The following ARHGAP42 variants were observed in gnomAD, a reference collection of about 807,000 sequenced individuals.
The protein encoded by ARHGAP42 is Rho GTPase activating protein 42.
A neutral mutation model predicts 125.0 loss-of-function variants in ARHGAP42; 63 were observed. That is an observed-to-expected ratio of 0.50 (90% CI 0.41 to 0.62). ARHGAP42 has a LOEUF of 0.62. Ranked by LOEUF, ARHGAP42 falls within the 20% of genes least tolerant of loss-of-function variation. The pLI is 0.00. For missense variants in ARHGAP42, 766 were observed against 1,024.2 expected (o/e 0.75, Z 3.44); for synonymous variants, 339 against 351.0 (o/e 0.97, Z 0.38).
rs1307439893 is a variant in ARHGAP42 at position 100,987,587 on chromosome 11, C to G, written c.2531C>G (p.Ser844Cys). The G allele has an allele frequency of 1.9e-6, 3 of 1,551,170 alleles. No individual in the cohort carries two copies. The highest frequency in any genetic ancestry group is 2.4e-5 in the East Asian group (1 of 40,902). The stretch of plus-strand genomic sequence containing the variant: ...TCCTTCCCACAAGGAGCAATATTTT[C>G]TAATGGTAAGTATGTCAATTCCCTC... ...ELSFPQGAIF[S>C]NVYPSVEPGW... The change falls in exon 23 of 24, where the codon TCT becomes TGT. Residue 844 changes from serine (S) to cysteine (C), a missense_variant. Around this residue, in one of 3 missense-constraint regions of ARHGAP42, gnomAD observed 308 missense variants for 369.7 expected, o/e 0.83. Transcript: ENST00000298815.
intron 7 of ARHGAP42, among the ~76,000 whole-genome samples, chr11:100,933,928 C>A (rs1867655094): frequency 6.6e-6 from 1 of 152,112 alleles, no homozygotes; most frequent in African/African-American, 2.4e-5. Context: ...GCTGGGATTA[C>A]AGGCATGCAC....
chr11:100,918,115 A>G (rs1463206016), intron 5 of ARHGAP42, among the ~76,000 whole-genome samples: 1 of 141,812 alleles, frequency 7.1e-6, no homozygotes, highest in Non-Finnish European at 1.5e-5. Flanking sequence ...TGCACTGCCT[A>G]TATGATGAAA....
rs373059302 is a variant in ARHGAP42 at position 100,837,666 on chromosome 11, C to CTTTTT, written c.313-21861_313-21857dup. On this transcript the variant is annotated intron_variant, in intron 3 of 23. Coordinates refer to ENST00000298815, the MANE Select transcript of ARHGAP42 (RefSeq NM_152432.4). ...CAGTTCCCAGAATCTAGGTGTCATC[C>CTTTTT]TTTTTTTTTTTTTTTTTTTTTTTTT... 1.6e-3 allele frequency among the ~76,000 whole-genome samples: 95 copies of CTTTTT among 61,016 alleles called. 7 individuals are homozygous for CTTTTT. The highest frequency in any genetic ancestry group is 4.4e-3 in the African/African-American group (62 of 14,174). 40.0% of individuals were successfully genotyped at this position (61,016 alleles called of 152,430 possible). A position where few individuals can be genotyped will look rare whatever the true frequency, so the allele number is the denominator to read the frequency against.
At chr11:100,770,247 A>G in intron 1 of ARHGAP42, 96 bp from the exon 2 acceptor site, 1 of 836,700 alleles carries the variant, frequency 1.2e-6, no homozygotes, top group Non-Finnish European at 1.9e-6. Flanking sequence ...GGTTCATATA[A>G]TACAAAATCA....
At chr11:100,937,063 GAT>G (rs1189063258) in intron 8 of ARHGAP42, among the ~76,000 whole-genome samples, 1 of 152,196 alleles carries the variant, frequency 6.6e-6, no homozygotes, top group Non-Finnish European at 1.5e-5. Context: ...AAAGGCTTTT[GAT>G]ATACTGTATG....
chr11:100,978,121 A>G (rs1312972643), intron 21 of ARHGAP42, among the ~76,000 whole-genome samples: 5 of 152,202 alleles, frequency 3.3e-5, no homozygotes, highest in Admixed American at 6.5e-5. Context: ...CCAATGTATT[A>G]GGGAAGATGA....
chr11:100,987,671 G>A (rs966026144), intron 23 of ARHGAP42, 79 bp downstream of exon 23: 3 of 1,330,966 alleles, frequency 2.3e-6, no homozygotes, highest in African/African-American at 2.9e-5. Flanking sequence ...TGAGTCTAAA[G>A]TAGAAGCCAG....
At chr11:100,793,513 A>G (rs539189284) in intron 2 of ARHGAP42, among the ~76,000 whole-genome samples, 1 of 152,376 alleles carries the variant, frequency 6.6e-6, no homozygotes, top group African/African-American at 2.4e-5. Context: ...TGAAATAATC[A>G]TAGGGTTTAA....
At chr11:100,764,373 C>G (rs1189282203) in intron 1 of ARHGAP42, among the ~76,000 whole-genome samples, 1 of 152,092 alleles carries the variant, frequency 6.6e-6, no homozygotes, top group Non-Finnish European at 1.5e-5. Context: ...TATGATATGC[C>G]ATGAAAGAGC....
chr11:100,857,486 T>C (rs143027939), intron 3 of ARHGAP42, among the ~76,000 whole-genome samples: 1 of 152,254 alleles, frequency 6.6e-6, no homozygotes, highest in African/African-American at 2.4e-5. Flanking sequence ...TTCACAATCC[T>C]TTCCTTCCCA....
intron 1 of ARHGAP42, among the ~76,000 whole-genome samples, chr11:100,693,603 T>A (rs563263240): frequency 4.6e-5 from 7 of 152,310 alleles, no homozygotes; most frequent in African/African-American, 1.7e-4. Flanking sequence ...AGATTTCTTT[T>A]TTCAGCCCAT....
intron 1 of ARHGAP42, among the ~76,000 whole-genome samples, chr11:100,737,361 G>A (rs1319701678): frequency 6.6e-6 from 1 of 152,154 alleles, no homozygotes; most frequent in African/African-American, 2.4e-5. Context: ...GGAAGGTTTT[G>A]TAGGGTTGAC....
intron 8 of ARHGAP42, among the ~76,000 whole-genome samples, chr11:100,939,341 G>A (rs1024977968): frequency 2.6e-5 from 4 of 151,708 alleles, no homozygotes; most frequent in South Asian, 2.1e-4. Flanking sequence ...CTCTATTCTC[G>A]GTAGTGTCAA....
chr11:100,742,294 A>C lies in ARHGAP42; in HGVS notation c.155-28049A>C, dbSNP rs145085357. On this transcript the variant is annotated intron_variant, in intron 1 of 23. Transcript: ENST00000298815. ...CAGTGTCTTCCTTCATTTCCTTGGA[A>C]AGTTTGAAATAGGGAGATGATGCTG... is the stretch of plus-strand genomic sequence containing the variant. 8.3e-3 allele frequency among the ~76,000 whole-genome samples: 1,265 copies of C among 152,258 alleles called. 14 individuals are homozygous for C. The highest frequency in any genetic ancestry group is 0.029 in the African/African-American group (1,213 of 41,534).
chr11:100,848,572 C>G (rs540671417), intron 3 of ARHGAP42, among the ~76,000 whole-genome samples: 3 of 151,602 alleles, frequency 2.0e-5, no homozygotes, highest in Non-Finnish European at 1.5e-5. Context: ...GGCACAATCT[C>G]GGCTCACTGC....
chr11:100,871,915 G>T (rs564833762), intron 4 of ARHGAP42, among the ~76,000 whole-genome samples: 1 of 152,272 alleles, frequency 6.6e-6, no homozygotes, highest in Admixed American at 6.5e-5. Flanking sequence ...AGCTAATTTT[G>T]TATTTTTAGT....
In ARHGAP42 at chr11:100,852,214, T is replaced by C. The variant is rs530023614; in HGVS notation, c.313-7340T>C. 2.0e-5 allele frequency among the ~76,000 whole-genome samples: 3 copies of C among 152,290 alleles called. No homozygotes were observed. In the South Asian group the frequency reaches 6.2e-4, roughly 32 times the overall value. ...AGTAATTTAAGAAATTGCATATATA[T>C]TGGGATATCTTCCATTTTTCTTAAA... On this transcript the variant is annotated intron_variant, in intron 3 of 23. Coordinates refer to ENST00000298815, the MANE Select transcript of ARHGAP42 (RefSeq NM_152432.4).
In ARHGAP42 at chr11:100,992,675, G is replaced by A; in HGVS notation, c.*3874G>A. 1 of 1,596,102 alleles carries A rather than the reference G, an allele frequency of 6.3e-7. No homozygotes were observed. The highest frequency in any genetic ancestry group is 8.5e-7 in the Non-Finnish European group (1 of 1,171,988). On this transcript the variant is annotated 3_prime_UTR_variant, in exon 24 of 24. Coordinates refer to ENST00000298815, the MANE Select transcript of ARHGAP42 (RefSeq NM_152432.4). ...GCCAGTTCCACTTGGTAATAACGTT[G>A]GGAAAATGCAGGTTTATGAATGATG...
chr11:100,790,473 G>T (rs920858115), intron 2 of ARHGAP42, among the ~76,000 whole-genome samples: 1 of 152,070 alleles, frequency 6.6e-6, no homozygotes, highest in East Asian at 1.9e-4. Flanking sequence ...TATTTTGATT[G>T]TTCTTTAGTA....
Sources: allele counts gnomAD v4.1 joint callset (sites outside exome capture counted in the v4.1 genomes callset), GRCh38; gene constraint gnomAD v4.1.1; regional missense constraint gnomAD v4.1.1; transcripts MANE v1.5; gene names NCBI Gene and HGNC (gene_info 2026-07-23, HGNC 2026-07-21).